MYO3A: variants seen among roughly 807,000 people sequenced by gnomAD.
The protein encoded by MYO3A is myosin-IIIa.
A neutral mutation model predicts 192.7 loss-of-function variants in MYO3A; 180 were observed. The ratio of observed to expected loss-of-function variants is 0.93; its 90% CI spans 0.83 to 1.06. The LOEUF (loss-of-function observed/expected upper bound fraction) is 1.06, where lower values mean the gene tolerates loss of function less well. MYO3A is among the 50% of genes least tolerant of loss of function. The pLI, the probability that MYO3A is intolerant of heterozygous loss-of-function variation, is 0.00. For missense variants in MYO3A, 1,896 were observed against 1,905.0 expected (o/e 1.00, Z 0.09); for synonymous variants, 628 against 645.3 (o/e 0.97, Z 0.41).
chr10:26,143,818 T>G (rs1840304925), intron 21 of MYO3A, among the ~76,000 whole-genome samples: 2 of 152,338 alleles, frequency 1.3e-5, no homozygotes, highest in African/African-American at 4.8e-5. Flanking sequence ...GTTTAAATAT[T>G]GGACTTCTCC....
chr10:26,128,315 G>A, intron 19 of MYO3A, 76 bp from the exon 20 acceptor site: 1 of 1,473,180 alleles, frequency 6.8e-7, no homozygotes, highest in Non-Finnish European at 9.5e-7. Flanking sequence ...AGTCACAAAT[G>A]GTAACTCTAA....
chr10:26,035,578 C>A (rs1842987598), intron 10 of MYO3A, among the ~76,000 whole-genome samples: 1 of 152,164 alleles, frequency 6.6e-6, no homozygotes, highest in Non-Finnish European at 1.5e-5. Context: ...ATTATACAAT[C>A]ATAGATTATT....
intron 10 of MYO3A, among the ~76,000 whole-genome samples, chr10:26,062,819 C>A (rs1189944012): frequency 6.6e-6 from 1 of 151,688 alleles, no homozygotes; most frequent in Admixed American, 6.6e-5. Flanking sequence ...GCGGGTTAAC[C>A]CTGGAAAAGA....
chr10:26,071,853 T>C (rs1395775081), intron 14 of MYO3A, among the ~76,000 whole-genome samples: 1 of 152,070 alleles, frequency 6.6e-6, no homozygotes, highest in Non-Finnish European at 1.5e-5. Flanking sequence ...ATGGCTAGTG[T>C]TTTTTAATCT....
intron 9 of MYO3A, among the ~76,000 whole-genome samples, chr10:26,026,142 T>C (rs1842529358): frequency 7.2e-6 from 1 of 139,194 alleles, no homozygotes. Context: ...TGAAAGTTGG[T>C]ATCACTGCAG....
intron 34 of MYO3A, among the ~76,000 whole-genome samples, chr10:26,208,482 C>G (rs1844075339): frequency 6.6e-6 from 1 of 152,136 alleles, no homozygotes; most frequent in South Asian, 2.1e-4. Context: ...TTCTCATCTG[C>G]AAATTGAAAA....
intron 10 of MYO3A, among the ~76,000 whole-genome samples, chr10:26,039,269 A>T (rs1843208475): frequency 7.4e-6 from 1 of 134,566 alleles, no homozygotes; most frequent in Non-Finnish European, 1.5e-5. Flanking sequence ...CATGTTGGTC[A>T]GGCTAGTATC....
intron 31 of MYO3A, among the ~76,000 whole-genome samples, chr10:26,189,095 G>A (rs1282152572): frequency 6.6e-6 from 1 of 152,164 alleles, no homozygotes; most frequent in African/African-American, 2.4e-5. Flanking sequence ...AAATAAAAGA[G>A]GATACAAACA....
chr10:26,071,113 A>G (rs999401531), intron 14 of MYO3A, among the ~76,000 whole-genome samples: 9 of 152,126 alleles, frequency 5.9e-5, no homozygotes, highest in Admixed American at 4.6e-4. Flanking sequence ...TTGAGAAAGA[A>G]CAAAGTTGGA....
chr10:25,964,946 G>C (rs1334331517), intron 4 of MYO3A, among the ~76,000 whole-genome samples: 2 of 152,114 alleles, frequency 1.3e-5, no homozygotes, highest in African/African-American at 4.8e-5. Context: ...GGCCCATAAG[G>C]TTTCCACTGA....
At chr10:26,133,174 T>C (rs1251804828) in intron 20 of MYO3A, among the ~76,000 whole-genome samples, 1 of 152,268 alleles carries the variant, frequency 6.6e-6, no homozygotes, top group Non-Finnish European at 1.5e-5. Context: ...TGGTAACATT[T>C]GTCCCATTTT....
Position 25,997,224 on chromosome 10 carries a change from G to T in MYO3A, c.474G>T (p.Leu158Phe). 3 of 1,613,414 alleles carry T rather than the reference G, an allele frequency of 1.9e-6. No individual in the cohort carries two copies. In the South Asian group the frequency reaches 3.3e-5, roughly 18 times the overall value. ...ATGTGAAAGGCAATAACATTCTATTGACCACGGAAGGTGGAGTGAAACTAG... is the reference window on the plus strand; with the variant it reads ...ATGTGAAAGGCAATAACATTCTATTTACCACGGAAGGTGGAGTGAAACTAG... ...HRDVKGNNIL[L>F]TTEGGVKLVD... The change falls in exon 6 of 35, where the codon TTG becomes TTT. Residue 158 changes from leucine (L) to phenylalanine (F), a missense_variant. Physicochemically the swap from Leu to Phe is conservative, Grantham distance 22. Transcript: ENST00000642920.
chr10:25,949,867 G>A (rs1404318990), intron 2 of MYO3A, among the ~76,000 whole-genome samples: 4 of 152,078 alleles, frequency 2.6e-5, no homozygotes, highest in Admixed American at 6.6e-5. Flanking sequence ...TAGGTACAGA[G>A]TAAGGCCAAA....
At chr10:26,193,116 G>A in intron 31 of MYO3A, 89 bp from the exon 32 acceptor site, 2 of 1,056,174 alleles carry the variant, frequency 1.9e-6, no homozygotes, top group Non-Finnish European at 2.9e-6. Context: ...AGTCATATGT[G>A]TATAATTTCT....
chr10:26,175,131 G>A (rs1187523719), intron 30 of MYO3A, among the ~76,000 whole-genome samples: 1 of 152,196 alleles, frequency 6.6e-6, no homozygotes, highest in Non-Finnish European at 1.5e-5. Context: ...TCATAGGTGT[G>A]TTTCAGCTGT....
chr10:26,000,164 A>G (rs1840701358), intron 6 of MYO3A, among the ~76,000 whole-genome samples: 1 of 152,176 alleles, frequency 6.6e-6, no homozygotes. Flanking sequence ...AGAGTAAGCA[A>G]CTAATGAGTA....
At chr10:26,006,878 T>G (rs934021345) in intron 6 of MYO3A, among the ~76,000 whole-genome samples, 4 of 151,300 alleles carry the variant, frequency 2.6e-5, no homozygotes, top group African/African-American at 9.8e-5. Flanking sequence ...CTAACTCATT[T>G]TATGAGGCCA....
chr10:26,164,721 G>A (rs772661612), intron 26 of MYO3A, among the ~76,000 whole-genome samples: 1 of 152,206 alleles, frequency 6.6e-6, no homozygotes, highest in African/African-American at 2.4e-5. Flanking sequence ...TAGAGACGCA[G>A]ATGATTGGCG....
intron 8 of MYO3A, chr10:26,022,970 G>C (rs900956936): frequency 6.6e-6 from 1 of 152,178 alleles, no homozygotes; most frequent in Non-Finnish European, 1.5e-5. Context: ...AATCTGAAAA[G>C]CTACCCAGTT....
Sources: gnomAD v4.1 joint callset for allele counts (sites outside exome capture counted in the v4.1 genomes callset) on GRCh38, gnomAD v4.1.1 for gene constraint, MANE v1.5 for transcripts, NCBI Gene and HGNC (gene_info 2026-07-23, HGNC 2026-07-21) for gene names.